ASIC2: variants seen among roughly 807,000 people sequenced by gnomAD.
The protein encoded by ASIC2 is acid-sensing ion channel 2.
A neutral mutation model predicts 57.3 loss-of-function variants in ASIC2; 25 were observed. The observed-to-expected ratio is 0.44, with a 90% CI of 0.32 to 0.61. ASIC2 has a LOEUF of 0.61. Ranked by LOEUF, ASIC2 falls within the 20% of genes least tolerant of loss-of-function variation. The pLI is 0.06. For synonymous variants in ASIC2, 319 were observed against 307.5 expected, an observed-to-expected ratio of 1.04 and a Z score of -0.39; for missense variants, 641 against 738.1, an observed-to-expected ratio of 0.87 and a Z score of 1.52.
chr17:33,487,110 C>CCA (rs1385907480), intron 1 of ASIC2, among the ~76,000 whole-genome samples: 1 of 152,178 alleles, frequency 6.6e-6, no homozygotes, highest in African/African-American at 2.4e-5. Context: ...TCTTTGAAAG[C>CCA]CACTTCCAGA....
intron 1 of ASIC2, among the ~76,000 whole-genome samples, chr17:33,176,321 C>T (rs1218300007): frequency 6.6e-6 from 1 of 152,182 alleles, no homozygotes; most frequent in Non-Finnish European, 1.5e-5. Context: ...CAGAGCCTGG[C>T]ACATCGTAGG....
chr17:33,501,169 T>G (rs541725119), intron 1 of ASIC2, among the ~76,000 whole-genome samples: 1 of 152,360 alleles, frequency 6.6e-6, no homozygotes, highest in East Asian at 1.9e-4. Flanking sequence ...TCCCTGGAGA[T>G]GCTGAGTGCT....
At chr17:33,515,502 T>C (rs1213038012) in intron 1 of ASIC2, among the ~76,000 whole-genome samples, 1 of 152,248 alleles carries the variant, frequency 6.6e-6, no homozygotes, top group Non-Finnish European at 1.5e-5. Flanking sequence ...GAGATGAGAA[T>C]ACTCACGTGT....
intron 1 of ASIC2, among the ~76,000 whole-genome samples, chr17:33,384,717 T>A (rs1938034188): frequency 6.6e-6 from 1 of 152,178 alleles, no homozygotes; most frequent in African/African-American, 2.4e-5. Context: ...TAGAATTCTT[T>A]CTGTAAGGTT....
At chr17:33,728,591 T>G (rs1339916198) in intron 1 of ASIC2, among the ~76,000 whole-genome samples, 1 of 152,194 alleles carries the variant, frequency 6.6e-6, no homozygotes, top group Non-Finnish European at 1.5e-5. Context: ...TACCTGTAAT[T>G]TAAACTCTGG....
intron 3 of ASIC2, among the ~76,000 whole-genome samples, chr17:33,060,090 A>AT (rs1229867702): frequency 6.6e-6 from 1 of 151,804 alleles, no homozygotes; most frequent in African/African-American, 2.4e-5. Context: ...GATTGCAAAA[A>AT]TTTTTTCCCA....
intron 1 of ASIC2, among the ~76,000 whole-genome samples, chr17:33,526,196 C>T (rs992977365): frequency 1.3e-5 from 2 of 152,140 alleles, no homozygotes; most frequent in African/African-American, 4.8e-5. Context: ...GGGTACCCAA[C>T]CAGCCTTTTC....
chr17:34,020,405 G>C (rs1296764425), intron 1 of ASIC2, among the ~76,000 whole-genome samples: 1 of 152,186 alleles, frequency 6.6e-6, no homozygotes, highest in East Asian at 1.9e-4. Context: ...TCAAGAGTAT[G>C]GCTGAGTTGG....
At chr17:33,371,649 G>C (rs1254568109) in intron 1 of ASIC2, among the ~76,000 whole-genome samples, 1 of 152,064 alleles carries the variant, frequency 6.6e-6, no homozygotes, top group South Asian at 2.1e-4. Flanking sequence ...GAATTCAAAC[G>C]ATGTGACATG....
intron 1 of ASIC2, among the ~76,000 whole-genome samples, chr17:33,644,018 A>G (rs554533199): frequency 6.6e-6 from 1 of 152,238 alleles, no homozygotes; most frequent in South Asian, 2.1e-4. Context: ...AAACACTCCT[A>G]TTCATGTCTA....
chr17:33,229,161 A>T (rs1407671280), intron 1 of ASIC2, among the ~76,000 whole-genome samples: 1 of 152,088 alleles, frequency 6.6e-6, no homozygotes, highest in Non-Finnish European at 1.5e-5. Context: ...AGATGGAAAG[A>T]GGTGTACCAA....
chr17:33,404,712 A>C (rs1240017174), intron 1 of ASIC2, among the ~76,000 whole-genome samples: 6 of 152,216 alleles, frequency 3.9e-5, no homozygotes, highest in Non-Finnish European at 5.9e-5. Context: ...AGAGAGCAGA[A>C]TGTTTGCACT....
intron 1 of ASIC2, among the ~76,000 whole-genome samples, chr17:33,537,592 A>G (rs537668420): frequency 6.6e-6 from 1 of 152,322 alleles, no homozygotes; most frequent in East Asian, 1.9e-4. Flanking sequence ...GGACAAACAC[A>G]TACCTGATCT....
In ASIC2 at chr17:33,275,046, C is replaced by A. The variant is rs112641205; in HGVS notation, c.708+16362G>T. On this transcript the variant is annotated intron_variant, in intron 1 of 9. Transcript: ENST00000225823. The stretch of plus-strand genomic sequence containing the variant: ...TGCCCCTAGAGAGAGCTCAGGGTAC[C>A]TGGGAGGCCCAGGCTGAAAAATGTT... Among the ~76,000 whole-genome samples the A allele has an allele frequency of 9.5e-3, 1,440 of 152,296 alleles. 31 individuals carry two copies. The highest frequency in any genetic ancestry group is 0.033 in the African/African-American group (1,374 of 41,562).
At chr17:33,877,423 T>C (rs1178858894) in intron 1 of ASIC2, among the ~76,000 whole-genome samples, 1 of 152,208 alleles carries the variant, frequency 6.6e-6, no homozygotes, top group Admixed American at 6.5e-5. Context: ...CCCACCCTAG[T>C]ACTGTGCTTT....
chr17:33,107,231 A>C (rs143008569), intron 2 of ASIC2, among the ~76,000 whole-genome samples: 53 of 152,332 alleles, frequency 3.5e-4, no homozygotes, highest in African/African-American at 1.3e-3. Context: ...GCACTTCTAC[A>C]GTCTAGGACA....
At chr17:33,360,439 A>G (rs924140766) in intron 1 of ASIC2, among the ~76,000 whole-genome samples, 2 of 152,172 alleles carry the variant, frequency 1.3e-5, no homozygotes, top group African/African-American at 4.8e-5. Context: ...ATGAATGACA[A>G]CGTACACAAC....
At chr17:33,754,826 C>T (rs1020730277) in intron 1 of ASIC2, among the ~76,000 whole-genome samples, 5 of 151,806 alleles carry the variant, frequency 3.3e-5, no homozygotes, top group East Asian at 1.9e-4. Flanking sequence ...GGCATGGTGG[C>T]GGGCACCTGT....
chr17:33,169,455 C>T (rs745349493), intron 1 of ASIC2, among the ~76,000 whole-genome samples: 13 of 152,310 alleles, frequency 8.5e-5, no homozygotes, highest in African/African-American at 2.4e-4. Flanking sequence ...GTAAACCACT[C>T]GGCTCAGTGC....
Sources: gnomAD v4.1 joint callset for allele counts (sites outside exome capture counted in the v4.1 genomes callset) on GRCh38, gnomAD v4.1.1 for gene constraint, MANE v1.5 for transcripts, NCBI Gene and HGNC (gene_info 2026-07-23, HGNC 2026-07-21) for gene names.